L3HYPDH: variants seen among roughly 807,000 people sequenced by gnomAD.
The protein encoded by L3HYPDH is trans-L-3-hydroxyproline dehydratase, also known as trans-3-hydroxy-L-proline dehydratase.
In L3HYPDH, 32 loss-of-function variants were observed where a neutral mutation model predicts 26.5. That is an observed-to-expected ratio of 1.21 (90% CI 0.91 to 1.62). L3HYPDH has a LOEUF of 1.62. Ranked by LOEUF, L3HYPDH falls within the 40% of genes most tolerant of loss-of-function variation. The pLI, the probability that L3HYPDH is intolerant of heterozygous loss-of-function variation, is 0.00. For missense variants in L3HYPDH, 554 were observed against 476.4 expected, an observed-to-expected ratio of 1.16 and a Z score of -1.52; for synonymous variants, 215 against 196.6, an observed-to-expected ratio of 1.09 and a Z score of -0.78.
At chr14:59,502,760 T>TGTTTTGTTTTGTTTGG in the L3HYPDH span, among the ~76,000 whole-genome samples, 1 of 130,112 alleles carries the variant, frequency 7.7e-6, no homozygotes, top group Non-Finnish European at 1.6e-5. Context: ...ATTTTTTTTT[T>TGTTTTGTTTTGTTTGG]TTTTTTTTTT....
the L3HYPDH span, among the ~76,000 whole-genome samples, chr14:59,502,326 C>T: frequency 1.3e-5 from 2 of 152,182 alleles, no homozygotes; most frequent in Non-Finnish European, 2.9e-5. Context: ...CCATCCTATA[C>T]TTGCTAATCT....
chr14:59,494,121 G>GGTGTGT, the L3HYPDH span, among the ~76,000 whole-genome samples: 5,824 of 150,962 alleles, frequency 0.039, 340 homozygotes, highest in African/African-American at 0.13. Context: ...AGAAAATTTG[G>GGTGTGT]GTGTGTGTGT....
upstream of L3HYPDH, chr14:59,485,125 T>C (rs974328141): frequency 6.3e-7 from 1 of 1,598,262 alleles, no homozygotes; most frequent in Non-Finnish European, 8.5e-7. Context: ...TAGTAAGTGA[T>C]AGGCTGTTTA....
Position 59,478,068 on chromosome 14 carries a change from T to C in L3HYPDH, c.678+1114A>G, listed in dbSNP as rs1029876762. On this transcript the variant is annotated intron_variant, in intron 2 of 4. Transcript: ENST00000247194. ...AGTTATTTGAGTAACTTCTTAGCAA[T>C]GTAGGAAAAAAATAATAGGAATTAA... Among the ~76,000 whole-genome samples, 10 of 152,228 alleles carry C rather than the reference T, an allele frequency of 6.6e-5. No individual in the cohort carries two copies. In the East Asian group the frequency reaches 7.7e-4, roughly 12 times the overall value.
At chr14:59,478,971 G>A (rs898638845) in intron 2 of L3HYPDH, 19 of 419,650 alleles carry the variant, frequency 4.5e-5, no homozygotes, top group Non-Finnish European at 7.9e-5. Flanking sequence ...AATTTGTGTT[G>A]GGCCACATTC....
rs544518305 is a variant in L3HYPDH, at chr14:59,483,623, T to C, written c.508+186A>G. 1.9e-5 allele frequency: 27 copies of C among 1,432,582 alleles called. No homozygotes were observed. In the African/African-American group the frequency reaches 3.2e-4, roughly 17 times the overall value. 88.7% of individuals were successfully genotyped at this position (1,432,582 alleles called of 1,614,324 possible). On this transcript the variant is annotated intron_variant, in intron 1 of 4. Coordinates refer to ENST00000247194, the MANE Select transcript of L3HYPDH (RefSeq NM_144581.2). ...ACAGGCGGATGGGAGTCAGGGAAAA[T>C]CGAAATTACACGCACCAAATACGCA... is the stretch of plus-strand genomic sequence containing the variant.
At chr14:59,482,363 G>A (rs1890082374) in intron 1 of L3HYPDH, among the ~76,000 whole-genome samples, 3 of 152,172 alleles carry the variant, frequency 2.0e-5, no homozygotes, top group South Asian at 2.1e-4. Context: ...CTGTCATACA[G>A]TGATGCTCTC....
the L3HYPDH span, among the ~76,000 whole-genome samples, chr14:59,493,893 A>G: frequency 6.6e-6 from 1 of 152,160 alleles, no homozygotes; most frequent in Non-Finnish European, 1.5e-5. Flanking sequence ...AAACACAGAC[A>G]ATTATATATG....
At chr14:59,485,627 GTTTGT>G, upstream of L3HYPDH, 1 of 152,842 alleles carries the variant, frequency 6.5e-6, no homozygotes, top group South Asian at 2.0e-4. Flanking sequence ...GTAGACCGCA[GTTTGT>G]TTTGAGACGG....
the L3HYPDH span, among the ~76,000 whole-genome samples, chr14:59,502,287 G>A: frequency 3.9e-5 from 6 of 152,290 alleles, no homozygotes; most frequent in African/African-American, 1.4e-4. Context: ...TCTAGAGGAA[G>A]CAGAAGTATA....
rs371817504 is a variant in L3HYPDH at position 59,482,130 on chromosome 14, TG to T, written c.508+1678del. Among the ~76,000 whole-genome samples, 878 of 152,250 alleles carry T rather than the reference TG, an allele frequency of 5.8e-3. 4 individuals are homozygous for T. Among genetic ancestry groups the T allele is most frequent in the African/African-American group, 0.02 (815 of 41,536 alleles). ...GAGTTTGCATTTTAGCCTGGTGGGG[TG>T]GAGATGAACTCAGCAACCCTCTGAG... On this transcript the variant is annotated intron_variant, in intron 1 of 4. Transcript: ENST00000247194.
At chr14:59,477,005 C>T (rs916111761) in intron 2 of L3HYPDH, among the ~76,000 whole-genome samples, 1 of 152,210 alleles carries the variant, frequency 6.6e-6, no homozygotes, top group Non-Finnish European at 1.5e-5. Context: ...CTTTCTACTT[C>T]CAGTTACATG....
chr14:59,473,143 C>G, intron 4 of L3HYPDH, 53 bp from the exon 5 acceptor site: 1 of 1,514,266 alleles, frequency 6.6e-7, no homozygotes, highest in Non-Finnish European at 8.9e-7. Flanking sequence ...CGTATTATAT[C>G]TGGCTTGAAA....
upstream of L3HYPDH, chr14:59,484,774 C>A: frequency 1.1e-6 from 1 of 936,238 alleles, no homozygotes; most frequent in Non-Finnish European, 1.6e-6. Flanking sequence ...GGTCTGTCCG[C>A]AACGGGCTAC....
intron 2 of L3HYPDH, among the ~76,000 whole-genome samples, chr14:59,478,295 G>A (rs936012223): frequency 3.3e-5 from 5 of 152,178 alleles, no homozygotes; most frequent in African/African-American, 9.7e-5. Flanking sequence ...TAGGTGTGGT[G>A]GCTCACACCT....
intron 2 of L3HYPDH, 94 bp from the exon 3 acceptor site, chr14:59,476,308 AATCCTT>A: frequency 2.2e-6 from 2 of 920,256 alleles, no homozygotes; most frequent in Non-Finnish European, 3.2e-6. Flanking sequence ...ATAACTTTTT[AATCCTT>A]ATCATTTTTA....
At chr14:59,476,239 A>G in intron 2 of L3HYPDH, 25 bp from the exon 3 acceptor site, 2 of 916,858 alleles carry the variant, frequency 2.2e-6, no homozygotes, top group Non-Finnish European at 3.0e-6. Flanking sequence ...AAAAGATCAC[A>G]TGCAAAATAA....
upstream of L3HYPDH, chr14:59,484,588 C>A: frequency 1.3e-6 from 2 of 1,577,912 alleles, no homozygotes; most frequent in East Asian, 2.3e-5. Flanking sequence ...TTCAGGCGGC[C>A]CATGGGTGAG....
chr14:59,488,960 C>A (rs1890787208), upstream of L3HYPDH, among the ~76,000 whole-genome samples: 1 of 152,260 alleles, frequency 6.6e-6, no homozygotes, highest in African/African-American at 2.4e-5. Context: ...TTCTTTCCTT[C>A]TAGGCCTCTG....
Sources: allele counts gnomAD v4.1 joint callset (sites outside exome capture counted in the v4.1 genomes callset), GRCh38; gene constraint gnomAD v4.1.1; transcripts MANE v1.5; gene names NCBI Gene and HGNC (gene_info 2026-07-23, HGNC 2026-07-21).